Variants in CAPN14 observed in about 807,000 individuals in gnomAD.
The protein encoded by CAPN14 is calpain-14.
Under a neutral mutation model 101.3 loss-of-function variants are expected in CAPN14, and 94 were observed. The ratio of observed to expected loss-of-function variants is 0.93; its 90% CI spans 0.79 to 1.10. The LOEUF (loss-of-function observed/expected upper bound fraction) is 1.10, where lower values mean the gene tolerates loss of function less well. CAPN14 is among the 50% of genes least tolerant of loss of function. CAPN14 has a pLI of 0.00. For synonymous variants in CAPN14, 338 were observed against 317.9 expected, an observed-to-expected ratio of 1.06 and a Z score of -0.67; for missense variants, 837 against 828.4, an observed-to-expected ratio of 1.01 and a Z score of -0.13.
At chr2:31,211,012 G>A (rs1208448277) in intron 1 of CAPN14, among the ~76,000 whole-genome samples, 1 of 152,006 alleles carries the variant, frequency 6.6e-6, no homozygotes, top group East Asian at 1.9e-4. Context: ...ATAAATTTGG[G>A]CTAGAATGAA....
chr2:31,202,615 C>A (rs1407486374), intron 3 of CAPN14, among the ~76,000 whole-genome samples: 1 of 152,136 alleles, frequency 6.6e-6, no homozygotes, highest in African/African-American at 2.4e-5. Context: ...TTCAGGACTC[C>A]ATTTCCCTGT....
At chr2:31,216,374 A>G (rs1292886223) in intron 1 of CAPN14, among the ~76,000 whole-genome samples, 1 of 152,092 alleles carries the variant, frequency 6.6e-6, no homozygotes, top group Non-Finnish European at 1.5e-5. Flanking sequence ...GAGTTTGAAA[A>G]GTGGGAGAAT....
chr2:31,224,922 T>C (rs1035331024), intron 2 of CAPN14, among the ~76,000 whole-genome samples: 2 of 152,046 alleles, frequency 1.3e-5, no homozygotes, highest in Non-Finnish European at 2.9e-5. Flanking sequence ...AGATTAAGTA[T>C]TAAAAATATG....
At chr2:31,207,238 C>T (rs1682145349) in intron 1 of CAPN14, among the ~76,000 whole-genome samples, 1 of 152,132 alleles carries the variant, frequency 6.6e-6, no homozygotes. Flanking sequence ...CAAAGTCTAA[C>T]TTGAGTCCTT....
intron 12 of CAPN14, among the ~76,000 whole-genome samples, chr2:31,190,869 C>A (rs1681144045): frequency 6.6e-6 from 1 of 152,150 alleles, no homozygotes; most frequent in Admixed American, 6.5e-5. Context: ...TTCCTTGGGC[C>A]TTCCTACCTG....
At chr2:31,187,680 A>G in intron 15 of CAPN14, 78 bp downstream of exon 15, 1 of 1,305,438 alleles carries the variant, frequency 7.7e-7, no homozygotes, top group Non-Finnish European at 1.1e-6. Context: ...AGCAGGTGCA[A>G]ACCTATACTT....
At chr2:31,180,423 G>A (rs1369593324) in intron 17 of CAPN14, among the ~76,000 whole-genome samples, 1 of 152,192 alleles carries the variant, frequency 6.6e-6, no homozygotes, top group African/African-American at 2.4e-5. Flanking sequence ...AAGGCAGTGT[G>A]TTTGTTAGAA....
intron 4 of CAPN14, 25 bp from the exon 5 acceptor site, chr2:31,202,023 T>G: frequency 6.4e-7 from 1 of 1,550,662 alleles, no homozygotes; most frequent in Non-Finnish European, 8.7e-7. Flanking sequence ...TGGCCCCGGG[T>G]GAATGAGGAC....
intron 1 of CAPN14, among the ~76,000 whole-genome samples, chr2:31,210,271 G>A (rs1340237643): frequency 2.6e-5 from 4 of 151,726 alleles, no homozygotes; most frequent in East Asian, 1.9e-4. Flanking sequence ...GTGAAACCCC[G>A]TCTGTACTAA....
At position 31,182,472 on chromosome 2, in the gene CAPN14, G is replaced by T. The variant is rs1412057252; in HGVS notation, c.1646-1472C>A. Among the ~76,000 whole-genome samples, 24 of 135,740 alleles carry T rather than the reference G, an allele frequency of 1.8e-4. No individual in the cohort carries two copies. The East Asian group carries it at 4.4e-3, about 25-fold the overall frequency. 89.1% of individuals were successfully genotyped at this position (135,740 alleles called of 152,430 possible). On this transcript the variant is annotated intron_variant, in intron 16 of 21. Transcript: ENST00000403897. ...GCCCAAAATCTCCTTAAGCTGATAAGCAACTTCAGCAAAGTCTCAGCATAC... is the reference window on the plus strand; with the variant it reads ...GCCCAAAATCTCCTTAAGCTGATAATCAACTTCAGCAAAGTCTCAGCATAC...
rs140631884 is a variant in CAPN14, at chr2:31,211,133, C to T, written c.-52-5634G>A. ...AAACAGAAGATAAGAATGGTGATTA[C>T]TACCATTCTTAATCACTTTTAATTG... On this transcript the variant is annotated intron_variant, in intron 1 of 21. Transcript: ENST00000403897. Among the ~76,000 whole-genome samples, 541 of 151,450 alleles carry T rather than the reference C, an allele frequency of 3.6e-3. 2 individuals carry two copies. Among genetic ancestry groups the T allele is most frequent in the African/African-American group, 0.012 (502 of 41,218 alleles).
chr2:31,176,294 T>C (rs913308740), intron 21 of CAPN14, among the ~76,000 whole-genome samples: 2 of 152,258 alleles, frequency 1.3e-5, no homozygotes, highest in African/African-American at 4.8e-5. Flanking sequence ...GGAAGCTAAA[T>C]AAGTGCTTGT....
At chr2:31,182,379 G>A (rs10176622) in intron 16 of CAPN14, among the ~76,000 whole-genome samples, 41,011 of 139,102 alleles carry the variant, frequency 0.29, 7,340 homozygotes, top group African/African-American at 0.49. Flanking sequence ...CAATTGGGAA[G>A]AGAGGAAGTC....
At chr2:31,232,979 A>G (rs1572457136) in intron 1 of CAPN14, among the ~76,000 whole-genome samples, 1 of 152,186 alleles carries the variant, frequency 6.6e-6, no homozygotes, top group Non-Finnish European at 1.5e-5. Flanking sequence ...TACAAAGCAC[A>G]TCAACTTTCA....
At chr2:31,187,666 C>T in intron 15 of CAPN14, 92 bp downstream of exon 15, 1 of 1,127,382 alleles carries the variant, frequency 8.9e-7, no homozygotes, top group Non-Finnish European at 1.3e-6. Flanking sequence ...TCTAAGCAGC[C>T]TCAAGCAGGT....
At chr2:31,197,125 G>A (rs371726226) in intron 8 of CAPN14, 124 bp downstream of exon 8, 19 of 637,604 alleles carry the variant, frequency 3.0e-5, no homozygotes, top group African/African-American at 1.3e-4. Flanking sequence ...GAGCTTCCCC[G>A]TCTAAAGGCT....
chr2:31,177,649 A>G, intron 19 of CAPN14, 97 bp downstream of exon 19: 2 of 856,394 alleles, frequency 2.3e-6, no homozygotes, highest in Non-Finnish European at 3.9e-6. Flanking sequence ...ACTGCGTATT[A>G]GAGTTACTTC....
At chr2:31,188,409 C>T (rs1283226716) in intron 13 of CAPN14, 55 bp from the exon 14 acceptor site, 7 of 1,476,484 alleles carry the variant, frequency 4.7e-6, no homozygotes, top group African/African-American at 1.4e-5. Context: ...AATTTTTTGG[C>T]CAATCTTCCC....
chr2:31,203,861 T>A, intron 2 of CAPN14, among the ~76,000 whole-genome samples: 1 of 152,238 alleles, frequency 6.6e-6, no homozygotes, highest in Non-Finnish European at 1.5e-5. Flanking sequence ...GTTCACTAGC[T>A]GTGTTCCTGA....
Sources: allele counts gnomAD v4.1 joint callset (sites outside exome capture counted in the v4.1 genomes callset), GRCh38; gene constraint gnomAD v4.1.1; transcripts MANE v1.5; gene names NCBI Gene and HGNC (gene_info 2026-07-23, HGNC 2026-07-21).